Variants in FBXL7 observed in about 807,000 individuals in gnomAD.
FBXL7 encodes F-box/LRR-repeat protein 7.
Under a neutral mutation model 38.3 loss-of-function variants are expected in FBXL7, and 12 were observed. The observed-to-expected ratio is 0.31, with a 90% confidence interval of 0.20 to 0.51. The LOEUF is 0.51. FBXL7 is among the 20% of genes least tolerant of loss of function. The probability of loss-of-function intolerance (pLI) is 0.98; values close to 1 mark genes in which losing one functional copy is unlikely to be tolerated. For synonymous variants in FBXL7, 297 were observed against 300.9 expected (o/e 0.99, Z 0.13); for missense variants, 567 against 676.4 (o/e 0.84, Z 1.79).
intron 2 of FBXL7, among the ~76,000 whole-genome samples, chr5:15,676,475 G>A (rs1452700689): frequency 2.6e-5 from 4 of 152,126 alleles, no homozygotes; most frequent in African/African-American, 9.7e-5. Context: ...CATCTGCAAA[G>A]GTTTTTGTTT....
intron 2 of FBXL7, among the ~76,000 whole-genome samples, chr5:15,768,809 C>T (rs1475455085): frequency 6.6e-6 from 1 of 152,156 alleles, no homozygotes; most frequent in Non-Finnish European, 1.5e-5. Context: ...CAGGCAACAG[C>T]TGGGGGATTT....
chr5:15,635,976 G>C (rs1266667545), intron 2 of FBXL7, among the ~76,000 whole-genome samples: 1 of 151,110 alleles, frequency 6.6e-6, no homozygotes, highest in Non-Finnish European at 1.5e-5. Flanking sequence ...GTCAGTAATA[G>C]TCTCTGAACT....
rs561708427 is a variant in FBXL7 at position 15,764,732 on chromosome 5, A to C, written c.127+148660A>C. On this transcript the variant is annotated intron_variant, in intron 2 of 3. Coordinates refer to ENST00000504595, the MANE Select transcript of FBXL7 (RefSeq NM_012304.5). ...TGAAGGCCACTATAGTGTTCACCCC[A>C]CAGGGTATTGGGAGCACTGAAATAC... Among the ~76,000 whole-genome samples, 23 of 152,364 alleles carry C rather than the reference A, an allele frequency of 1.5e-4. No homozygotes were observed. The South Asian group carries it at 4.8e-3, about 32-fold the overall frequency.
intron 2 of FBXL7, among the ~76,000 whole-genome samples, chr5:15,845,352 T>C (rs1206945413): frequency 6.6e-6 from 1 of 152,176 alleles, no homozygotes; most frequent in Non-Finnish European, 1.5e-5. Context: ...ATGGGTGACA[T>C]GTAAAATAGA....
intron 2 of FBXL7, among the ~76,000 whole-genome samples, chr5:15,689,857 A>C (rs963465260): frequency 6.6e-6 from 1 of 152,198 alleles, no homozygotes; most frequent in Non-Finnish European, 1.5e-5. Context: ...GGGATTCTCA[A>C]CCTTGGCTTA....
chr5:15,925,554 A>G (rs1056480020), intron 2 of FBXL7, among the ~76,000 whole-genome samples: 5 of 152,232 alleles, frequency 3.3e-5, no homozygotes, highest in Non-Finnish European at 7.3e-5. Context: ...TTTGTATTGC[A>G]TGTTATTGCT....
At chr5:15,623,471 C>A (rs774795731) in intron 2 of FBXL7, among the ~76,000 whole-genome samples, 11 of 152,126 alleles carry the variant, frequency 7.2e-5, no homozygotes, top group Non-Finnish European at 1.6e-4. Context: ...ATATTTGTTC[C>A]ATGGAATCTA....
At chr5:15,609,879 C>T (rs1431955168) in intron 1 of FBXL7, among the ~76,000 whole-genome samples, 1 of 152,134 alleles carries the variant, frequency 6.6e-6, no homozygotes, top group Non-Finnish European at 1.5e-5. Context: ...CTGTATTAGT[C>T]TGTTTTTGCG....
intron 2 of FBXL7, among the ~76,000 whole-genome samples, chr5:15,917,501 G>A (rs1161257787): frequency 2.6e-5 from 4 of 152,088 alleles, no homozygotes; most frequent in Admixed American, 6.6e-5. Context: ...CCATCTACTC[G>A]GGAGGCTGAA....
intron 2 of FBXL7, among the ~76,000 whole-genome samples, chr5:15,726,392 A>G (rs1326865246): frequency 6.6e-6 from 1 of 152,034 alleles, no homozygotes; most frequent in Non-Finnish European, 1.5e-5. Context: ...AGTAGCCACT[A>G]CACCTCATCC....
chr5:15,791,294 C>T (rs1393658210), intron 2 of FBXL7, among the ~76,000 whole-genome samples: 1 of 152,140 alleles, frequency 6.6e-6, no homozygotes, highest in South Asian at 2.1e-4. Flanking sequence ...GAACCTAACA[C>T]GTTTAATTCT....
At chr5:15,634,840 A>G (rs1741130938) in intron 2 of FBXL7, among the ~76,000 whole-genome samples, 1 of 152,018 alleles carries the variant, frequency 6.6e-6, no homozygotes, top group South Asian at 2.1e-4. Context: ...CTGCATCTTT[A>G]AAGCCAGTAG....
chr5:15,623,878 CAGAA>C (rs1262270892), intron 2 of FBXL7, among the ~76,000 whole-genome samples: 1 of 152,058 alleles, frequency 6.6e-6, no homozygotes, highest in East Asian at 1.9e-4. Context: ...CAGGGAAACT[CAGAA>C]AGGATCAGTT....
intron 2 of FBXL7, among the ~76,000 whole-genome samples, chr5:15,780,956 T>G (rs1736975027): frequency 6.6e-6 from 1 of 152,132 alleles, no homozygotes; most frequent in African/African-American, 2.4e-5. Context: ...ATTCCATTTA[T>G]CTTGATATTC....
chr5:15,682,566 T>C (rs1185607506), intron 2 of FBXL7, among the ~76,000 whole-genome samples: 2 of 152,228 alleles, frequency 1.3e-5, no homozygotes, highest in Non-Finnish European at 2.9e-5. Flanking sequence ...TTATTTCAGC[T>C]TTTAAGTTTT....
rs547889688 is a variant in FBXL7, at chr5:15,868,500, C to T, written c.128-59390C>T. Among the ~76,000 whole-genome samples the T allele has an allele frequency of 1.2e-4, 18 of 152,326 alleles. No individual in the cohort carries two copies. The South Asian group carries it at 3.5e-3, about 30-fold the overall frequency. ...ACTCAACAGAACTGTGTTTAGTACCCAGCATCAATGCTACTGCAGTGTGAT... is the reference window on the plus strand; with the variant it reads ...ACTCAACAGAACTGTGTTTAGTACCTAGCATCAATGCTACTGCAGTGTGAT... On this transcript the variant is annotated intron_variant, in intron 2 of 3. Transcript: ENST00000504595.
intron 2 of FBXL7, among the ~76,000 whole-genome samples, chr5:15,675,605 G>A (rs1425196567): frequency 1.4e-4 from 21 of 152,204 alleles, no homozygotes. Context: ...ATGTGGCTTT[G>A]CCCTCTCTCA....
intron 1 of FBXL7, among the ~76,000 whole-genome samples, chr5:15,555,991 A>ATCTATCTG (rs1160444064): frequency 5.0e-5 from 6 of 120,608 alleles, no homozygotes; most frequent in African/African-American, 2.1e-4. Context: ...CTATCTATCT[A>ATCTATCTG]TCTATCTATC....
intron 2 of FBXL7, among the ~76,000 whole-genome samples, chr5:15,802,153 ACTGTCTCCT>A (rs1445996642): frequency 6.6e-6 from 1 of 151,994 alleles, no homozygotes; most frequent in Admixed American, 6.6e-5. Flanking sequence ...AGTACTTCTC[ACTGTCTCCT>A]CTGTGACAAT....
Sources: gnomAD v4.1 joint callset for allele counts (sites outside exome capture counted in the v4.1 genomes callset) on GRCh38, gnomAD v4.1.1 for gene constraint, MANE v1.5 for transcripts, NCBI Gene and HGNC (gene_info 2026-07-23, HGNC 2026-07-21) for gene names.